Variants in STAC3 observed in about 807,000 individuals in gnomAD.
STAC3 encodes SH3 and cysteine rich domain 3.
STAC3 carries 30 observed loss-of-function variants against 48.5 expected under a neutral mutation model. That is an observed-to-expected ratio of 0.62 (90% CI 0.46 to 0.84). The LOEUF (loss-of-function observed/expected upper bound fraction) is 0.84, where lower values mean the gene tolerates loss of function less well. Among genes scored for constraint, STAC3 ranks in the 40% least tolerant of loss-of-function variants. STAC3 has a pLI of 0.00. For missense variants in STAC3, 419 were observed against 462.6 expected (o/e 0.91, Z 0.86); for synonymous variants, 144 against 158.6 (o/e 0.91, Z 0.69).
In STAC3 at chr12:57,248,702, T is replaced by A. The variant is rs751033943; in HGVS notation, c.432+4A>T. 3.1e-6 allele frequency: 5 copies of A among 1,612,436 alleles called. No individual in the cohort carries two copies. The highest frequency in any genetic ancestry group is 3.4e-6 in the Non-Finnish European group (4 of 1,179,100). On this transcript the variant is annotated splice_donor_region_variant and intron_variant, in intron 4 of 11. Transcript: ENST00000332782. The stretch of plus-strand genomic sequence containing the variant: ...CCCCTCCTTGCTCTCCACAGCCTAC[T>A]CACGATCTTGCCGAAGCATCTCTGC...
rs1476946924 is a variant in STAC3, at chr12:57,243,549, G to A, written c.*263C>T. 1 of 665,168 alleles carries A rather than the reference G, an allele frequency of 1.5e-6. No individual in the cohort carries two copies. Among genetic ancestry groups the A allele is most frequent in the Admixed American group, 2.1e-5 (1 of 48,246 alleles). 41.2% of individuals were successfully genotyped at this position (665,168 alleles called of 1,614,324 possible). A position where few individuals can be genotyped will look rare whatever the true frequency, so the allele number is the denominator to read the frequency against. ...CCGCCCCAGTCCCTGGCTCCTCCTAGTAGATACGCGTTTTTTTCCAGCTCT... is the reference window on the plus strand; with the variant it reads ...CCGCCCCAGTCCCTGGCTCCTCCTAATAGATACGCGTTTTTTTCCAGCTCT... On this transcript the variant is annotated 3_prime_UTR_variant, in exon 12 of 12. Coordinates refer to ENST00000332782, the MANE Select transcript of STAC3 (RefSeq NM_145064.3).
chr12:57,246,751 A>C, intron 6 of STAC3, 53 bp downstream of exon 6: 3 of 1,513,702 alleles, frequency 2.0e-6, no homozygotes, highest in Non-Finnish European at 2.8e-6. Flanking sequence ...TGGGAAAATG[A>C]CCTGCTCCAT....
rs754352201 is a variant in STAC3, at chr12:57,243,908, G to C, written c.999C>G (p.Ile333Met). ...IGQITLKKDQIVVQKGDEAGG... is the reference protein window; with the variant it reads ...IGQITLKKDQMVVQKGDEAGG... ...CCGCTTCGTCTCCTTTCTGCACCAC[G>C]ATCTAGAAGATTAAAGGATCAGAAG... Residue 333 changes from isoleucine (I) to methionine (M), a missense_variant and splice_region_variant, in exon 12 of 12, where the codon ATC (isoleucine) becomes ATG (methionine). Transcript: ENST00000332782. The C allele has an allele frequency of 5.0e-6, 8 of 1,613,716 alleles. No individual in the cohort carries two copies. Among genetic ancestry groups the C allele is most frequent in the East Asian group, 2.2e-5 (1 of 44,878 alleles).
intron 5 of STAC3, among the ~76,000 whole-genome samples, chr12:57,247,439 T>TTA (rs1565782188): frequency 7.1e-6 from 1 of 141,076 alleles, no homozygotes; most frequent in African/African-American, 2.7e-5. Context: ...TTTTTTTTTT[T>TTA]TTTTTTTTTT....
At chr12:57,245,321 T>G in intron 6 of STAC3, 110 bp from the exon 7 acceptor site, 2 of 998,270 alleles carry the variant, frequency 2.0e-6, no homozygotes, top group Non-Finnish European at 3.0e-6. Context: ...GATCTCAGAG[T>G]TGGAAGAGGC....
At position 57,251,088 on chromosome 12, in the gene STAC3, TG is replaced by T; in HGVS notation, c.-98del. On this transcript the variant is annotated 5_prime_UTR_variant, in exon 1 of 12. Coordinates refer to ENST00000332782, the MANE Select transcript of STAC3 (RefSeq NM_145064.3). ...CTGGGGAAAAACTGGTCCTCTTCCT[TG>T]GGGGCTAAGCCCCCCCAGTACCCCC... is the stretch of plus-strand genomic sequence containing the variant. The T allele has an allele frequency of 2.2e-6, 1 of 446,862 alleles. No homozygotes were observed. The highest frequency in any genetic ancestry group is 7.1e-5 in the East Asian group (1 of 14,178). The allele number at this position is 446,862 out of a possible 1,614,324, so 27.7% of individuals were successfully genotyped here.
rs138921555 is a variant in STAC3, at chr12:57,244,201, A to G, written c.883T>C (p.Phe295Leu). Residue 295 changes from phenylalanine (F) to leucine (L), a missense_variant, in exon 11 of 12, where the codon TTT becomes CTT. Physicochemically the swap from Phe to Leu is conservative, Grantham distance 22 (BLOSUM62 0). Transcript: ENST00000332782. ...WRGKIGEKVGFFPPNFIIRVR... is the reference protein window; with the variant it reads ...WRGKIGEKVGLFPPNFIIRVR... ...CGAATGATGAAGTTTGGAGGGAAAAATCCGACCTTCTCCCCGATTTTCCCC... is the reference window on the plus strand; with the variant it reads ...CGAATGATGAAGTTTGGAGGGAAAAGTCCGACCTTCTCCCCGATTTTCCCC... 320 of 1,614,100 alleles carry G rather than the reference A, an allele frequency of 2.0e-4. 1 individual carries two copies. In the African/African-American group the frequency reaches 3.5e-3, roughly 18 times the overall value.
chr12:57,250,593 T>C (rs1347562762), intron 1 of STAC3, among the ~76,000 whole-genome samples: 5 of 152,112 alleles, frequency 3.3e-5, no homozygotes, highest in Non-Finnish European at 7.4e-5. Context: ...AGAGATGTGA[T>C]GCATACCTTC....
intron 1 of STAC3, among the ~76,000 whole-genome samples, chr12:57,250,642 C>T (rs1341896616): frequency 6.6e-6 from 1 of 152,068 alleles, no homozygotes; most frequent in Non-Finnish European, 1.5e-5. Context: ...TGTGTGTCCT[C>T]GTGTGCACAC....
chr12:57,248,410 G>A lies in STAC3; in HGVS notation c.433-212C>T, dbSNP rs948315403. ...TTTTTTTTTTTTGAGACGGAGTCTC[G>A]CTCTGTCACCCAGGCTGGAGTGCAG... On this transcript the variant is annotated intron_variant, in intron 4 of 11. Coordinates refer to ENST00000332782, the MANE Select transcript of STAC3 (RefSeq NM_145064.3). 9.0e-6 allele frequency: 5 copies of A among 557,460 alleles called. No homozygotes were observed. The East Asian group carries it at 1.5e-4, about 17-fold the overall frequency. The allele number at this position is 557,460 out of a possible 1,614,324, so 34.5% of individuals were successfully genotyped here. A position where few individuals can be genotyped will look rare whatever the true frequency, so the allele number is the denominator to read the frequency against.
chr12:57,246,642 T>A (rs2037748502), intron 6 of STAC3, among the ~76,000 whole-genome samples, 162 bp downstream of exon 6: 1 of 152,190 alleles, frequency 6.6e-6, no homozygotes, highest in African/African-American at 2.4e-5. Flanking sequence ...CACCTCGGCC[T>A]CCCAAAGTGC....
Position 57,243,730 on chromosome 12 carries a change from T to G in STAC3, c.*82A>C, listed in dbSNP as rs1380218689. On this transcript the variant is annotated 3_prime_UTR_variant, in exon 12 of 12. Coordinates refer to ENST00000332782, the MANE Select transcript of STAC3 (RefSeq NM_145064.3). ...ACCCCTCCTCTCCCAGCAGTCCCGT[T>G]GCTTTCGCCCCCCTCCCCAAACTCC... 1 of 1,323,264 alleles carries G rather than the reference T, an allele frequency of 7.6e-7. No homozygotes were observed. Among genetic ancestry groups the G allele is most frequent in the Non-Finnish European group, 1.1e-6 (1 of 931,198 alleles). The allele number at this position is 1,323,264 out of a possible 1,614,324, so 82.0% of individuals were successfully genotyped here. A position where few individuals can be genotyped will look rare whatever the true frequency, so the allele number is the denominator to read the frequency against.
chr12:57,244,638 A>C lies in STAC3; in HGVS notation c.721-16T>G, dbSNP rs2037687995. The C allele has an allele frequency of 6.2e-7, 1 of 1,613,946 alleles. No homozygotes were observed. The highest frequency in any genetic ancestry group is 1.1e-5 in the South Asian group (1 of 91,078). ...GCTGCTTGTGCTGGGGGTGCAAGGG[A>C]ATGATGAGTCTTAGGGCTCCTCTAC... On this transcript the variant is annotated splice_polypyrimidine_tract_variant and intron_variant, in intron 8 of 11. Transcript: ENST00000332782.
At chr12:57,249,360 C>G in intron 2 of STAC3, 52 bp from the exon 3 acceptor site, 1 of 1,534,968 alleles carries the variant, frequency 6.5e-7, no homozygotes, top group Non-Finnish European at 8.7e-7. Flanking sequence ...GTCACCCTCT[C>G]TAGAGTAGGG....
chr12:57,243,630 G>T lies in STAC3; in HGVS notation c.*182C>A, dbSNP rs951023407. 1.4e-6 allele frequency: 1 copy of T among 713,506 alleles called. No individual in the cohort carries two copies. The highest frequency in any genetic ancestry group is 2.5e-6 in the Non-Finnish European group (1 of 395,842). The allele number at this position is 713,506 out of a possible 1,614,324, so 44.2% of individuals were successfully genotyped here. ...GGGCTGCTCTGGGCAGCAGGTATCC[G>T]AGGCCCCAGGCTGGGGAAGGGGGCG... is the stretch of plus-strand genomic sequence containing the variant. On this transcript the variant is annotated 3_prime_UTR_variant, in exon 12 of 12. Coordinates refer to ENST00000332782, the MANE Select transcript of STAC3 (RefSeq NM_145064.3).
Position 57,244,167 on chromosome 12 carries a change from G to A in STAC3, c.917C>T (p.Ala306Val). The A allele has an allele frequency of 3.7e-6, 6 of 1,614,146 alleles. No homozygotes were observed. Among genetic ancestry groups the A allele is most frequent in the Non-Finnish European group, 5.1e-6 (6 of 1,180,036 alleles). The change falls in exon 11 of 12, where the codon GCT (alanine) becomes GTT (valine). Residue 306 changes from alanine to valine, a missense_variant. Ala to Val is a moderately conservative substitution (Grantham distance 64). Transcript: ENST00000332782. ...FPPNFIIRVR[A>V]GERVHRVTRS... ...CGTCACGCGGTGCACACGTTCTCCA[G>A]CCCGGACCCGAATGATGAAGTTTGG...
chr12:57,245,121 T>C, intron 7 of STAC3, 24 bp downstream of exon 7: 5 of 1,610,812 alleles, frequency 3.1e-6, no homozygotes, highest in Non-Finnish European at 4.2e-6. Flanking sequence ...ACTCCATCTC[T>C]GGATGGAGGT....
At position 57,243,848 on chromosome 12, in the gene STAC3, C is replaced by CA. The variant is rs1173571827; in HGVS notation, c.1058dup (p.Leu355AlafsTer100). 1 of 1,614,108 alleles carries CA rather than the reference C, an allele frequency of 6.2e-7. No homozygotes were observed. Among genetic ancestry groups the CA allele is most frequent in the Admixed American group, 1.7e-5 (1 of 60,012 alleles). On this transcript the variant is annotated frameshift_variant, in exon 12 of 12. Transcript: ENST00000332782. LOFTEE classifies it high-confidence loss of function. Reference sequence around the variant, plus strand: ...CTAGAAAGTCGGTGGGAAACAGCCCCACCTTGCGGCCGGTGTAGACCTTGA... The same window carrying CA: ...CTAGAAAGTCGGTGGGAAACAGCCCCAACCTTGCGGCCGGTGTAGACCTTGA...
chr12:57,249,893 C>A (rs2037861133), intron 1 of STAC3, among the ~76,000 whole-genome samples: 1 of 152,106 alleles, frequency 6.6e-6, no homozygotes, highest in African/African-American at 2.4e-5. Context: ...GTAGCTGGAA[C>A]ACAAGGTGCA....
Sources: gnomAD v4.1 joint callset for allele counts (sites outside exome capture counted in the v4.1 genomes callset) on GRCh38, gnomAD v4.1.1 for gene constraint, MANE v1.5 for transcripts, NCBI Gene and HGNC (gene_info 2026-07-23, HGNC 2026-07-21) for gene names.